The following GFRA1 variants were observed in gnomAD, a reference collection of about 807,000 sequenced individuals.
GFRA1 encodes the protein GDNF family receptor alpha 1, also known as GDNF family receptor alpha-1.
A neutral mutation model predicts 51.6 loss-of-function variants in GFRA1; 16 were observed. That is an observed-to-expected ratio of 0.31 (90% CI 0.21 to 0.47). The LOEUF (loss-of-function observed/expected upper bound fraction) is 0.47. GFRA1 is among the 20% of genes least tolerant of loss of function. The pLI is 1.00. For missense variants in GFRA1, 530 were observed against 594.3 expected (o/e 0.89, Z 1.13); for synonymous variants, 270 against 241.3 (o/e 1.12, Z -1.10).
At chr10:116,064,598 A>C (rs1038543885) in intron 10 of GFRA1, 54 bp from the exon 11 acceptor site, 5 of 1,511,840 alleles carry the variant, frequency 3.3e-6, no homozygotes, top group Non-Finnish European at 3.7e-6. Flanking sequence ...ATTCTACCAC[A>C]GTATACTTTA....
At chr10:116,164,517 G>T (rs1430790510) in intron 5 of GFRA1, among the ~76,000 whole-genome samples, 2 of 152,154 alleles carry the variant, frequency 1.3e-5, no homozygotes, top group African/African-American at 4.8e-5. Flanking sequence ...TGCCCCAGTG[G>T]CTTCCTCATT....
At chr10:116,136,896 G>T (rs1231853800) in intron 5 of GFRA1, among the ~76,000 whole-genome samples, 1 of 152,168 alleles carries the variant, frequency 6.6e-6, no homozygotes, top group Non-Finnish European at 1.5e-5. Flanking sequence ...AATAAGGAAT[G>T]AATATATGTA....
chr10:116,258,150 G>A (rs1007420988), intron 4 of GFRA1, among the ~76,000 whole-genome samples: 1 of 151,940 alleles, frequency 6.6e-6, no homozygotes, highest in Admixed American at 6.6e-5. Context: ...AGCAAAAAAG[G>A]GAATTCTTAG....
intron 4 of GFRA1, among the ~76,000 whole-genome samples, chr10:116,216,569 G>A (rs1965578035): frequency 6.6e-6 from 1 of 152,174 alleles, no homozygotes; most frequent in African/African-American, 2.4e-5. Context: ...TAAAACTGGG[G>A]GTGGTAAAGT....
At chr10:116,133,842 G>T (rs1489581773) in intron 5 of GFRA1, among the ~76,000 whole-genome samples, 6 of 152,312 alleles carry the variant, frequency 3.9e-5, no homozygotes, top group East Asian at 1.9e-4. Flanking sequence ...GAAGTGTCAG[G>T]GATGAATTAT....
intron 4 of GFRA1, among the ~76,000 whole-genome samples, chr10:116,242,626 C>T (rs181767824): frequency 7.0e-4 from 106 of 152,092 alleles, no homozygotes; most frequent in African/African-American, 2.5e-3. Flanking sequence ...AGACTACAGG[C>T]GCCCGCCTCC....
intron 5 of GFRA1, among the ~76,000 whole-genome samples, chr10:116,132,396 G>A (rs1056002645): frequency 2.3e-5 from 3 of 130,702 alleles, no homozygotes; most frequent in African/African-American, 8.0e-5. Context: ...TGGAATCCAG[G>A]TGCTGAGTAT....
At chr10:116,246,457 G>T (rs1967871743) in intron 4 of GFRA1, among the ~76,000 whole-genome samples, 1 of 152,048 alleles carries the variant, frequency 6.6e-6, no homozygotes, top group Non-Finnish European at 1.5e-5. Context: ...AGAAACTGTT[G>T]GGTCAGACAG....
Position 116,058,033 on chromosome 10 carries a change from T to C in GFRA1, c.*6365A>G. ...GTGTGTGTGTGTGTGTGTGTGTGTG[T>C]GTGTGTGTGACAGAGAGAACCACGC... On this transcript the variant is annotated 3_prime_UTR_variant, in exon 11 of 11. Transcript: ENST00000355422. The C allele has an allele frequency of 8.7e-6, 1 of 115,252 alleles. No individual in the cohort carries two copies. Among genetic ancestry groups the C allele is most frequent in the East Asian group, 3.0e-4 (1 of 3,362 alleles). The allele number at this position is 115,252 out of a possible 1,614,324, so 7.1% of individuals were successfully genotyped here. A position where few individuals can be genotyped will look rare whatever the true frequency, so the allele number is the denominator to read the frequency against.
intron 5 of GFRA1, among the ~76,000 whole-genome samples, chr10:116,146,961 C>T (rs1486574462): frequency 6.6e-6 from 1 of 152,084 alleles, no homozygotes; most frequent in Non-Finnish European, 1.5e-5. Context: ...ATTAGCTTCA[C>T]AGGAAATACA....
At chr10:116,135,757 T>A (rs969305847) in intron 5 of GFRA1, among the ~76,000 whole-genome samples, 5 of 152,330 alleles carry the variant, frequency 3.3e-5, no homozygotes, top group African/African-American at 1.2e-4. Flanking sequence ...GGAAATGATC[T>A]TCTAGGAGGA....
At chr10:116,135,996 CTT>C (rs3837364) in intron 5 of GFRA1, among the ~76,000 whole-genome samples, 34 of 151,878 alleles carry the variant, frequency 2.2e-4, no homozygotes, top group Admixed American at 3.9e-4. Context: ...GTTATGGATA[CTT>C]TTTTTCCCCC....
chr10:116,260,033 T>A (rs1276254693), intron 4 of GFRA1, among the ~76,000 whole-genome samples: 1 of 152,190 alleles, frequency 6.6e-6, no homozygotes, highest in Non-Finnish European at 1.5e-5. Flanking sequence ...GAGGATTCAA[T>A]GAGGAGAATA....
At chr10:116,067,188 A>G (rs1402221790) in intron 9 of GFRA1, among the ~76,000 whole-genome samples, 1 of 152,228 alleles carries the variant, frequency 6.6e-6, no homozygotes, top group African/African-American at 2.4e-5. Context: ...CTTTTAATCT[A>G]TATTAATAGC....
chr10:116,081,435 G>GA (rs1955845765), intron 9 of GFRA1, among the ~76,000 whole-genome samples: 1 of 152,220 alleles, frequency 6.6e-6, no homozygotes, highest in African/African-American at 2.4e-5. Flanking sequence ...CTATAGCGAT[G>GA]AAAAATGTTA....
chr10:116,243,955 A>G (rs951570563), intron 4 of GFRA1, among the ~76,000 whole-genome samples: 1 of 152,184 alleles, frequency 6.6e-6, no homozygotes, highest in Non-Finnish European at 1.5e-5. Context: ...TCCTCCATGG[A>G]GTGAGGAATT....
chr10:116,258,534 C>T (rs986879214), intron 4 of GFRA1, among the ~76,000 whole-genome samples: 3 of 150,678 alleles, frequency 2.0e-5, no homozygotes, highest in African/African-American at 7.3e-5. Context: ...ATGTATCACT[C>T]AGTAAAAAAT....
At chr10:116,171,277 C>T (rs1226167703) in intron 5 of GFRA1, among the ~76,000 whole-genome samples, 1 of 152,176 alleles carries the variant, frequency 6.6e-6, no homozygotes, top group Non-Finnish European at 1.5e-5. Flanking sequence ...TGAGATCAGG[C>T]TCAGAAATAA....
chr10:116,115,336 G>A (rs1292652691), intron 6 of GFRA1, among the ~76,000 whole-genome samples: 1 of 152,072 alleles, frequency 6.6e-6, no homozygotes, highest in Non-Finnish European at 1.5e-5. Flanking sequence ...TGGCCTGGGA[G>A]GTGGGGAGGC....
Sources: gnomAD v4.1 joint callset for allele counts (sites outside exome capture counted in the v4.1 genomes callset) on GRCh38, gnomAD v4.1.1 for gene constraint, MANE v1.5 for transcripts, NCBI Gene and HGNC (gene_info 2026-07-23, HGNC 2026-07-21) for gene names.